Variants in RXRA observed in about 807,000 individuals in gnomAD.
RXRA encodes the protein retinoic acid receptor RXR-alpha.
In RXRA, 5 loss-of-function variants were observed where a neutral mutation model predicts 44.5. The ratio of observed to expected loss-of-function variants is 0.11; its 90% CI spans 0.06 to 0.24. The LOEUF is 0.24. RXRA is among the 10% of genes least tolerant of loss of function. The pLI is 1.00. For missense variants in RXRA, 412 were observed against 646.5 expected (o/e 0.64, Z 3.93); for synonymous variants, 291 against 271.4 (o/e 1.07, Z -0.71).
chr9:134,371,576 C>T (rs1335814862), intron 1 of RXRA, among the ~76,000 whole-genome samples: 6 of 152,262 alleles, frequency 3.9e-5, no homozygotes, highest in African/African-American at 1.2e-4. Flanking sequence ...AGAGAACTCT[C>T]GCCCCATTTC....
chr9:134,383,286 G>C (rs957977961), intron 1 of RXRA, among the ~76,000 whole-genome samples: 1 of 152,216 alleles, frequency 6.6e-6, no homozygotes, highest in Non-Finnish European at 1.5e-5. Flanking sequence ...TGGAGGTGGG[G>C]CTGTCTTGTG....
chr9:134,361,894 G>A (rs1414794872), intron 1 of RXRA, among the ~76,000 whole-genome samples: 5 of 152,190 alleles, frequency 3.3e-5, no homozygotes, highest in Non-Finnish European at 7.4e-5. Flanking sequence ...TCTGTAGAAT[G>A]GGGACAGCAG....
In RXRA at chr9:134,433,962, A is replaced by T; in HGVS notation, c.1136-140A>T. The T allele has an allele frequency of 3.2e-6, 2 of 615,942 alleles. No homozygotes were observed. The highest frequency in any genetic ancestry group is 2.0e-5 in the South Asian group (1 of 51,164). 38.2% of individuals were successfully genotyped at this position (615,942 alleles called of 1,614,324 possible). On this transcript the variant is annotated intron_variant, in intron 8 of 9. Transcript: ENST00000481739. This position sits in a 1 kb window ranked among gnomAD's most constrained non-coding sequence, Gnocchi z 4.2. ...AGGCTCTGGGGGAGCGGGCGGAGGC[A>T]TGTCCAGCGGCATTCCTCCACCACC...
At chr9:134,432,973 AG>A (rs1027802997) in intron 8 of RXRA, among the ~76,000 whole-genome samples, 3 of 151,698 alleles carry the variant, frequency 2.0e-5, no homozygotes, top group African/African-American at 7.3e-5. Flanking sequence ...ATTGCGTGAT[AG>A]GGGCAGGTGG....
rs1811870842 is a variant in RXRA, at chr9:134,436,848, A to C, written c.*234A>C. ...CTGAGGCAGCAGCCTTCGTGGCAAGAACTAGCGTGAGCCCAGCCAGGCGCC... is the reference window on the plus strand; with the variant it reads ...CTGAGGCAGCAGCCTTCGTGGCAAGCACTAGCGTGAGCCCAGCCAGGCGCC... On this transcript the variant is annotated 3_prime_UTR_variant, in exon 10 of 10. Transcript: ENST00000481739. The C allele has an allele frequency of 1.8e-6, 1 of 543,292 alleles. No homozygotes were observed. 33.7% of individuals were successfully genotyped at this position (543,292 alleles called of 1,614,324 possible).
intron 1 of RXRA, 25 bp downstream of exon 1, chr9:134,326,684 G>A (rs1834915975): frequency 8.1e-6 from 7 of 863,900 alleles, no homozygotes; most frequent in Non-Finnish European, 9.7e-6. Flanking sequence ...GGCCGGGCGG[G>A]GACGGGGCCG....
intron 1 of RXRA, among the ~76,000 whole-genome samples, chr9:134,376,593 G>A (rs554963760): frequency 7.2e-5 from 11 of 152,396 alleles, no homozygotes; most frequent in African/African-American, 2.6e-4. Flanking sequence ...GCCTTGCCGC[G>A]TTCTCTGTCT....
chr9:134,333,327 C>T (rs1263284163), intron 1 of RXRA, among the ~76,000 whole-genome samples: 3 of 152,188 alleles, frequency 2.0e-5, no homozygotes, highest in South Asian at 2.1e-4. Context: ...CCCTTGGTCA[C>T]AGTCCTACCT....
chr9:134,435,695 C>A (rs535426010), intron 9 of RXRA, among the ~76,000 whole-genome samples: 2 of 152,276 alleles, frequency 1.3e-5, no homozygotes, highest in South Asian at 4.1e-4. Flanking sequence ...CCCTCCCCCG[C>A]CTGATGCTCT....
At chr9:134,413,132 C>A (rs1432881835) in intron 4 of RXRA, among the ~76,000 whole-genome samples, 1 of 152,296 alleles carries the variant, frequency 6.6e-6, no homozygotes, top group South Asian at 2.1e-4. Context: ...GACCTTGCCT[C>A]GCCCAGTCCT....
rs564047544 is a variant in RXRA at position 134,435,371 on chromosome 9, C to T, written c.1242-1096C>T. On this transcript the variant is annotated intron_variant, in intron 9 of 9. Coordinates refer to ENST00000481739, the MANE Select transcript of RXRA (RefSeq NM_002957.6). ...GGCCCTGCTATCCCTCTTCCCAGAG[C>T]CCCAGACTTCCCCCCTCCCTCCCGC... Among the ~76,000 whole-genome samples the T allele has an allele frequency of 1.9e-4, 29 of 152,030 alleles. No individual in the cohort carries two copies. In the East Asian group the frequency reaches 5.7e-3, roughly 30 times the overall value.
At chr9:134,370,793 C>T (rs779132528) in intron 1 of RXRA, among the ~76,000 whole-genome samples, 2 of 152,210 alleles carry the variant, frequency 1.3e-5, no homozygotes, top group African/African-American at 2.4e-5. Context: ...GCTCAGACCA[C>T]GGAGGGTCTG....
At position 134,401,639 on chromosome 9, in the gene RXRA, C is replaced by T. The variant is rs779418800; in HGVS notation, c.36C>T (p.Ser12=). ...CGGCTTCTTGTCTTGCAGATTTCTCCACCCAGGTGAACTCCTCCCTCACCT... is the reference window on the plus strand; with the variant it reads ...CGGCTTCTTGTCTTGCAGATTTCTCTACCCAGGTGAACTCCTCCCTCACCT... The part of the protein sequence containing the change: ...DTKHFLPLDF[S]TQVNSSLTSP... Residue 12 remains serine, a synonymous_variant, in exon 2 of 10, where the codon TCC becomes TCT. Coordinates refer to ENST00000481739, the MANE Select transcript of RXRA (RefSeq NM_002957.6). 1.2e-6 allele frequency: 2 copies of T among 1,612,942 alleles called. No individual in the cohort carries two copies. The highest frequency in any genetic ancestry group is 4.5e-5 in the East Asian group (2 of 44,874).
At chr9:134,346,350 C>G (rs1554748804) in intron 1 of RXRA, among the ~76,000 whole-genome samples, 1 of 152,196 alleles carries the variant, frequency 6.6e-6, no homozygotes, top group African/African-American at 2.4e-5. Context: ...GTCCCCTCCC[C>G]CAAATGCCCT....
chr9:134,333,098 G>A (rs1835031593), intron 1 of RXRA, among the ~76,000 whole-genome samples: 1 of 152,180 alleles, frequency 6.6e-6, no homozygotes, highest in African/African-American at 2.4e-5. Flanking sequence ...GGCCTCTTGG[G>A]GCCGGATCAG....
At chr9:134,353,510 CACTT>C (rs1554749725) in intron 1 of RXRA, among the ~76,000 whole-genome samples, 1 of 152,234 alleles carries the variant, frequency 6.6e-6, no homozygotes, top group Non-Finnish European at 1.5e-5. Flanking sequence ...AGCAAACCGT[CACTT>C]ACTTTCAAAG....
chr9:134,328,776 C>T (rs1400462082), intron 1 of RXRA, among the ~76,000 whole-genome samples: 6 of 152,064 alleles, frequency 3.9e-5, no homozygotes, highest in Non-Finnish European at 5.9e-5. Flanking sequence ...TGGGGAGACT[C>T]GGCCACCCCT....
intron 4 of RXRA, among the ~76,000 whole-genome samples, chr9:134,416,454 A>G (rs731516): frequency 0.1 from 15,158 of 152,000 alleles, 2,473 homozygotes; most frequent in African/African-American, 0.34. Flanking sequence ...GCTTCCTGGG[A>G]CAGATTGAAA....
In RXRA at chr9:134,366,955, C is replaced by T. The variant is rs113344948; in HGVS notation, c.29-34677C>T. 7.2e-5 allele frequency among the ~76,000 whole-genome samples: 11 copies of T among 152,234 alleles called. No individual in the cohort carries two copies. Among genetic ancestry groups the T allele is most frequent in the African/African-American group, 2.2e-4 (9 of 41,530 alleles). ...AAGGGGCTGGTGGTTCCCGGGCCTG[C>T]ACATCCCCACCCCTGCCCTGCGTGC... On this transcript the variant is annotated intron_variant, in intron 1 of 9. Coordinates refer to ENST00000481739, the MANE Select transcript of RXRA (RefSeq NM_002957.6). This position sits in a 1 kb window ranked among gnomAD's most constrained non-coding sequence, Gnocchi z 5.9.
Sources: allele counts gnomAD v4.1 joint callset (sites outside exome capture counted in the v4.1 genomes callset), GRCh38; gene constraint gnomAD v4.1.1; non-coding constraint Gnocchi (gnomAD v3.1); transcripts MANE v1.5; gene names NCBI Gene and HGNC (gene_info 2026-07-23, HGNC 2026-07-21).